MALRD1: variants seen among roughly 807,000 people sequenced by gnomAD.
MALRD1 encodes the protein MAM and LDL-receptor class A domain-containing protein 1.
In MALRD1, 247 loss-of-function variants were observed where a neutral mutation model predicts 242.1. The observed-to-expected ratio is 1.02, with a 90% CI of 0.92 to 1.13. The LOEUF is 1.13. Ranked by LOEUF, MALRD1 falls within the 50% of genes most tolerant of loss-of-function variation. The pLI is 0.00. For missense variants in MALRD1, 2,989 were observed against 2,533.1 expected (o/e 1.18, Z -3.86); for synonymous variants, 995 against 866.6 (o/e 1.15, Z -2.60).
rs1589155061 is a variant in MALRD1 at position 19,494,632 on chromosome 10, T to C, written c.5158+2987T>C. On this transcript the variant is annotated intron_variant, in intron 30 of 39. Coordinates refer to ENST00000454679, the MANE Select transcript of MALRD1 (RefSeq NM_001142308.3). Reference sequence around the variant, plus strand: ...AACACACTACAAGAATTTTACAATGTAATAGCAAGTATTAGCACCAGAATA... The same window carrying C: ...AACACACTACAAGAATTTTACAATGCAATAGCAAGTATTAGCACCAGAATA... Among the ~76,000 whole-genome samples the C allele has an allele frequency of 2.0e-5, 3 of 152,220 alleles. No homozygotes were observed. The East Asian group carries it at 5.8e-4, about 29-fold the overall frequency.
At chr10:19,604,222 C>T (rs77787904) in intron 34 of MALRD1, among the ~76,000 whole-genome samples, 2,165 of 152,188 alleles carry the variant, frequency 0.014, 40 homozygotes, top group South Asian at 0.043. Flanking sequence ...GCAAAACAGC[C>T]TTATTGTGGA....
intron 18 of MALRD1, among the ~76,000 whole-genome samples, chr10:19,230,689 G>A (rs192020128): frequency 6.6e-6 from 1 of 152,088 alleles, no homozygotes; most frequent in African/African-American, 2.4e-5. Flanking sequence ...AGCTGTTCCA[G>A]GTTCTGGGAA....
Position 19,139,763 on chromosome 10 carries a change from G to C in MALRD1, c.1411+2982G>C, listed in dbSNP as rs76670786. On this transcript the variant is annotated intron_variant, in intron 10 of 39. Transcript: ENST00000454679. Reference sequence around the variant, plus strand: ...GCAGACTCCATGGACCAGAGCATCAGCATTACCTGGGAACTTAGTGGAAAT... The same window carrying C: ...GCAGACTCCATGGACCAGAGCATCACCATTACCTGGGAACTTAGTGGAAAT... 6.8e-3 allele frequency among the ~76,000 whole-genome samples: 1,039 copies of C among 152,268 alleles called. 8 individuals carry two copies. The highest frequency in any genetic ancestry group is 0.011 in the Non-Finnish European group (725 of 68,018).
At chr10:19,396,268 C>T (rs1009882588) in intron 28 of MALRD1, among the ~76,000 whole-genome samples, 2 of 151,558 alleles carry the variant, frequency 1.3e-5, no homozygotes, top group Non-Finnish European at 2.9e-5. Context: ...TCCTGGGTAG[C>T]TGGGAACACA....
chr10:19,337,405 G>A (rs1023371181), intron 24 of MALRD1, among the ~76,000 whole-genome samples: 5 of 152,226 alleles, frequency 3.3e-5, no homozygotes, highest in Non-Finnish European at 7.4e-5. Context: ...TCTGGGACCC[G>A]CTGCTTTCCT....
chr10:19,588,150 ATT>A (rs202171266), intron 33 of MALRD1, among the ~76,000 whole-genome samples: 1 of 151,486 alleles, frequency 6.6e-6, no homozygotes, highest in East Asian at 1.9e-4. Flanking sequence ...ATATTCGAAA[ATT>A]TTTTTTTAAA....
chr10:19,048,826 A>G lies in MALRD1; in HGVS notation c.-113A>G. 1.3e-6 allele frequency: 1 copy of G among 747,966 alleles called. No homozygotes were observed. Among genetic ancestry groups the G allele is most frequent in the South Asian group, 7.2e-5 (1 of 13,816 alleles). The allele number at this position is 747,966 out of a possible 1,614,324, so 46.3% of individuals were successfully genotyped here. A position where few individuals can be genotyped will look rare whatever the true frequency, so the allele number is the denominator to read the frequency against. ...AGAGTTGCAGATAGTTACCAATAGT[A>G]TCCAGTTATAAGAAGCAAATCTGGG... is the stretch of plus-strand genomic sequence containing the variant. On this transcript the variant is annotated 5_prime_UTR_variant, in exon 1 of 40. Coordinates refer to ENST00000454679, the MANE Select transcript of MALRD1 (RefSeq NM_001142308.3).
At chr10:19,284,364 T>C (rs1205436055) in intron 21 of MALRD1, among the ~76,000 whole-genome samples, 1 of 150,234 alleles carries the variant, frequency 6.7e-6, no homozygotes, top group Non-Finnish European at 1.5e-5. Flanking sequence ...ACTCGTCATC[T>C]AGCATTAGGT....
At chr10:19,318,685 A>T (rs868060989) in intron 21 of MALRD1, among the ~76,000 whole-genome samples, 3 of 151,264 alleles carry the variant, frequency 2.0e-5, no homozygotes, top group South Asian at 2.1e-4. Context: ...CTTACGTTTT[A>T]TTTTTTCCCC....
intron 7 of MALRD1, among the ~76,000 whole-genome samples, chr10:19,126,924 A>G (rs1323094113): frequency 6.6e-6 from 1 of 151,878 alleles, no homozygotes; most frequent in Non-Finnish European, 1.5e-5. Context: ...TCACCCCTCA[A>G]CAGTCCCCAG....
At chr10:19,283,216 G>C in intron 21 of MALRD1, 35 bp downstream of exon 21, 6 of 1,403,234 alleles carry the variant, frequency 4.3e-6, no homozygotes, top group Non-Finnish European at 5.6e-6. Context: ...TCTCTCTTGG[G>C]AAATATTTAT....
chr10:19,555,419 A>C (rs1835677078), intron 32 of MALRD1, among the ~76,000 whole-genome samples: 1 of 152,260 alleles, frequency 6.6e-6, no homozygotes, highest in Non-Finnish European at 1.5e-5. Context: ...GGCCTCATTA[A>C]GAATGTAACT....
chr10:19,456,812 C>T (rs1049407048), intron 29 of MALRD1, among the ~76,000 whole-genome samples: 7 of 150,574 alleles, frequency 4.6e-5, no homozygotes, highest in African/African-American at 1.7e-4. Flanking sequence ...CTCGCTCTGT[C>T]GCCAGGCTGG....
At chr10:19,567,748 T>A in intron 33 of MALRD1, 45 bp downstream of exon 33, 1 of 1,459,942 alleles carries the variant, frequency 6.8e-7, no homozygotes, top group Non-Finnish European at 9.4e-7. Flanking sequence ...TTGTTTTTAG[T>A]ATCTAAATAT....
intron 36 of MALRD1, among the ~76,000 whole-genome samples, chr10:19,656,471 A>C (rs1365631850): frequency 6.6e-6 from 1 of 152,202 alleles, no homozygotes; most frequent in African/African-American, 2.4e-5. Context: ...TATGATTTAG[A>C]ATAATAATAA....
chr10:19,599,132 A>G (rs1394924413), intron 34 of MALRD1, among the ~76,000 whole-genome samples: 1 of 152,122 alleles, frequency 6.6e-6, no homozygotes, highest in Non-Finnish European at 1.5e-5. Context: ...AAGAAGTTGC[A>G]ATTGGAGTGG....
chr10:19,662,264 A>C (rs1268236269), intron 36 of MALRD1, among the ~76,000 whole-genome samples: 1 of 152,180 alleles, frequency 6.6e-6, no homozygotes. Context: ...AACAAAATGC[A>C]TACAGCAAAA....
chr10:19,531,225 A>G lies in MALRD1; in HGVS notation c.5352A>G (p.Ser1784=), dbSNP rs1034510495. The change falls in exon 32 of 40, where the codon TCA becomes TCG. Residue 1784 remains serine (S), a synonymous_variant. Coordinates refer to ENST00000454679, the MANE Select transcript of MALRD1 (RefSeq NM_001142308.3). Reference sequence around the variant, plus strand: ...GTCAGCACTTCCTGTACGTCAACTCATCTGGCTCCAAGGAAGGATCCGTTG... The same window carrying G: ...GTCAGCACTTCCTGTACGTCAACTCGTCTGGCTCCAAGGAAGGATCCGTTG... ...GSGQHFLYVN[S]SGSKEGSVAR... The G allele has an allele frequency of 6.5e-7, 1 of 1,550,250 alleles. No individual in the cohort carries two copies. Among genetic ancestry groups the G allele is most frequent in the Non-Finnish European group, 8.7e-7 (1 of 1,146,856 alleles).
intron 33 of MALRD1, among the ~76,000 whole-genome samples, chr10:19,587,629 G>A (rs1837505550): frequency 6.6e-6 from 1 of 152,192 alleles, no homozygotes; most frequent in Admixed American, 6.5e-5. Flanking sequence ...TTCTACTGCT[G>A]TGCAAACATT....
Sources: allele counts gnomAD v4.1 joint callset (sites outside exome capture counted in the v4.1 genomes callset), GRCh38; gene constraint gnomAD v4.1.1; transcripts MANE v1.5; gene names NCBI Gene and HGNC (gene_info 2026-07-23, HGNC 2026-07-21).